MNT: variants seen among roughly 807,000 people sequenced by gnomAD.
The protein encoded by MNT is max-binding protein MNT.
MNT carries 13 observed loss-of-function variants against 40.7 expected under a neutral mutation model. The observed-to-expected ratio is 0.32, with a 90% confidence interval of 0.21 to 0.51. The LOEUF (loss-of-function observed/expected upper bound fraction) is 0.51, where lower values mean the gene tolerates loss of function less well. Among genes scored for constraint, MNT ranks in the 20% least tolerant of loss-of-function variants. MNT has a pLI of 0.98. For synonymous variants in MNT, 426 were observed against 354.8 expected, an observed-to-expected ratio of 1.20 and a Z score of -2.26; for missense variants, 757 against 792.0, an observed-to-expected ratio of 0.96 and a Z score of 0.53.
Position 2,395,180 on chromosome 17 carries a change from CA to C in MNT, c.347del (p.Leu116ArgfsTer59). 1 of 1,432,456 alleles carries C rather than the reference CA, an allele frequency of 7.0e-7. No individual in the cohort carries two copies. Among genetic ancestry groups the C allele is most frequent in the Non-Finnish European group, 9.1e-7 (1 of 1,100,162 alleles). 88.7% of individuals were successfully genotyped at this position (1,432,456 alleles called of 1,614,324 possible). Reference protein sequence around the residue: ...PLPAAAQPLPLAPRQPALVGA... With the variant: ...PLPAAAQPLPXAPRQPALVGA... ...CAACCAGGGCCGGCTGACGAGGCGC[CA>C]GGGGCAGAGGCTGGGCTGCCGCGGG... On this transcript the variant is annotated frameshift_variant, in exon 2 of 6. Transcript: ENST00000174618. LOFTEE classifies it high-confidence loss of function.
chr17:2,393,200 CCGCGGCTG>C (rs1029117562), intron 4 of MNT, among the ~76,000 whole-genome samples: 7 of 151,002 alleles, frequency 4.6e-5, no homozygotes, highest in African/African-American at 7.2e-5. Context: ...CTCCGCGTCT[CCGCGGCTG>C]CCGGCCCATC....
intron 4 of MNT, chr17:2,392,057 A>C (rs2066520567): frequency 6.6e-6 from 1 of 152,170 alleles, no homozygotes; most frequent in African/African-American, 2.4e-5. Flanking sequence ...CTCAGCTCAA[A>C]GGTCCTTTCC....
Position 2,395,122 on chromosome 17 carries a change from G to C in MNT, c.406C>G (p.Pro136Ala), listed in dbSNP as rs769258532. ...GGCACCTGCGGCCTGCTGGGCAGGG[G>C]GGCAGGCTCCTTAATGCTGAGTCCG... ...APGLSIKEPA[P>A]LPSRPQVPTP... The change falls in exon 2 of 6, where the codon CCC (proline) becomes GCC (alanine). Residue 136 changes from proline (P) to alanine (A), a missense_variant. Pro to Ala is a conservative substitution (Grantham distance 27). Around this residue, in one of 4 missense-constraint regions of MNT, gnomAD observed 335 missense variants for 291.4 expected, o/e 1.15. Coordinates refer to ENST00000174618, the MANE Select transcript of MNT (RefSeq NM_020310.3). 3 of 1,479,950 alleles carry C rather than the reference G, an allele frequency of 2.0e-6. No homozygotes were observed. In the East Asian group the frequency reaches 7.2e-5, roughly 36 times the overall value. 91.7% of individuals were successfully genotyped at this position (1,479,950 alleles called of 1,614,324 possible).
At position 2,393,957 on chromosome 17, in the gene MNT, T is replaced by C. The variant is rs1597419897; in HGVS notation, c.807+86A>G. 9 of 787,860 alleles carry C rather than the reference T, an allele frequency of 1.1e-5. No homozygotes were observed. In the South Asian group the frequency reaches 2.4e-4, roughly 21 times the overall value. The allele number at this position is 787,860 out of a possible 1,614,324, so 48.8% of individuals were successfully genotyped here. A position where few individuals can be genotyped will look rare whatever the true frequency, so the allele number is the denominator to read the frequency against. On this transcript the variant is annotated intron_variant, in intron 4 of 5. Transcript: ENST00000174618. ...GAGGCGCGGGGGAGCCGCCGGGGCG[T>C]GAGGGCGGGGCGGGGCGCGGCCGGG...
At chr17:2,394,251 C>T in intron 3 of MNT, 54 bp downstream of exon 3, 4 of 1,571,874 alleles carry the variant, frequency 2.5e-6, no homozygotes, top group Admixed American at 3.6e-5. Flanking sequence ...GCCGCCGGGG[C>T]CCGGGTCGCG....
intron 1 of MNT, 70 bp downstream of exon 1, chr17:2,400,570 G>A (rs1345493942): frequency 1.3e-5 from 19 of 1,453,866 alleles, no homozygotes; most frequent in Non-Finnish European, 1.6e-5. Flanking sequence ...GCGGTTTCGC[G>A]TGGGTTCGGG....
At chr17:2,397,202 C>T (rs895277446) in intron 1 of MNT, among the ~76,000 whole-genome samples, 1 of 152,172 alleles carries the variant, frequency 6.6e-6, no homozygotes, top group South Asian at 2.1e-4. Context: ...TGCTCCAGTG[C>T]GGGGAGGCCT....
At chr17:2,400,553 C>T (rs758629713) in intron 1 of MNT, 87 bp downstream of exon 1, 27 of 1,334,390 alleles carry the variant, frequency 2.0e-5, no homozygotes, top group Non-Finnish European at 2.7e-5. Flanking sequence ...GGGAGGGGGC[C>T]CTGTCCGCGG....
intron 4 of MNT, among the ~76,000 whole-genome samples, chr17:2,388,677 A>G (rs2066488642): frequency 6.6e-6 from 1 of 152,170 alleles, no homozygotes; most frequent in Non-Finnish European, 1.5e-5. Flanking sequence ...CCTGGGCTGA[A>G]CAACCCCCAA....
chr17:2,387,203 G>A lies in MNT; in HGVS notation c.1447C>T (p.Pro483Ser), dbSNP rs750228275. 2.7e-5 allele frequency: 43 copies of A among 1,608,244 alleles called. No homozygotes were observed. The highest frequency in any genetic ancestry group is 3.2e-5 in the Non-Finnish European group (38 of 1,178,174). Residue 483 changes from proline to serine, a missense_variant, in exon 6 of 6, where the codon CCT (proline) becomes TCT (serine). By Grantham distance (74) the Pro-to-Ser change is moderately conservative. Transcript: ENST00000174618. The stretch of plus-strand genomic sequence containing the variant: ...ATGTGCCCAATGGGGGGTGTGGCAG[G>A]CGCCAGTTGCACCGCAGGGCTGGGG... ...SAPSPAVQLA[P>S]ATPPIGHITV...
At chr17:2,400,574 G>A in intron 1 of MNT, 66 bp downstream of exon 1, 3 of 1,478,640 alleles carry the variant, frequency 2.0e-6, no homozygotes, top group Non-Finnish European at 2.7e-6. Context: ...TTTCGCGTGG[G>A]TTCGGGGACC....
chr17:2,397,749 A>G (rs1597422613), intron 1 of MNT, among the ~76,000 whole-genome samples: 2 of 152,070 alleles, frequency 1.3e-5, no homozygotes, highest in African/African-American at 4.8e-5. Flanking sequence ...GTCCCTTCCC[A>G]CCCAGCGGCA....
chr17:2,393,926 G>C (rs2066549873), intron 4 of MNT, 117 bp downstream of exon 4: 3 of 559,264 alleles, frequency 5.4e-6, no homozygotes, highest in Admixed American at 9.2e-5. Context: ...GCGTGGAGGT[G>C]GGAGGGAGGC....
At chr17:2,395,678 A>G (rs2066572586) in intron 1 of MNT, among the ~76,000 whole-genome samples, 1 of 151,726 alleles carries the variant, frequency 6.6e-6, no homozygotes, top group African/African-American at 2.4e-5. Context: ...GAATAGTAGG[A>G]CAGTCACGGG....
intron 4 of MNT, among the ~76,000 whole-genome samples, chr17:2,392,429 C>G (rs1168808658): frequency 6.6e-6 from 1 of 152,196 alleles, no homozygotes; most frequent in East Asian, 1.9e-4. Context: ...ATTTCCAAAC[C>G]CACACGTTAC....
chr17:2,395,051 G>C lies in MNT; in HGVS notation c.477C>G (p.Pro159=), dbSNP rs766220728. The C allele has an allele frequency of 1.3e-6, 2 of 1,570,968 alleles. No homozygotes were observed. Among genetic ancestry groups the C allele is most frequent in the Non-Finnish European group, 1.7e-6 (2 of 1,159,440 alleles). ...GCTGCAAAGGCTTGGGGCTGCCATTGGGTGGAATGGTGGCCTTCGAGTCCG... is the reference window on the plus strand; with the variant it reads ...GCTGCAAAGGCTTGGGGCTGCCATTCGGTGGAATGGTGGCCTTCGAGTCCG... ...LLPDSKATIP[P]NGSPKPLQPL... The change falls in exon 2 of 6, where the codon CCC becomes CCG. Residue 159 remains proline (P), a synonymous_variant. Transcript: ENST00000174618.
chr17:2,384,510 C>T lies in MNT; in HGVS notation c.*2391G>A, dbSNP rs1382360630. ...CCCAAGGAACCAACCTCCCCCTCTC[C>T]CCGAGGTAAGGACTCCCAGCCAGTG... On this transcript the variant is annotated 3_prime_UTR_variant, in exon 6 of 6. Transcript: ENST00000174618. 1 of 152,524 alleles carries T rather than the reference C, an allele frequency of 6.6e-6. No homozygotes were observed. The highest frequency in any genetic ancestry group is 1.5e-5 in the Non-Finnish European group (1 of 68,064). 9.4% of individuals were successfully genotyped at this position (152,524 alleles called of 1,614,324 possible).
Position 2,400,921 on chromosome 17 carries a change from A to T in MNT, c.-209T>A. 2.6e-6 allele frequency: 1 copy of T among 379,204 alleles called. No individual in the cohort carries two copies. The highest frequency in any genetic ancestry group is 4.7e-6 in the Non-Finnish European group (1 of 212,932). The allele number at this position is 379,204 out of a possible 1,614,324, so 23.5% of individuals were successfully genotyped here. ...ATATTTGCAAAATATAAAATTGCAA[A>T]TTTAAAAAAATGGGATGCAAAAAAA... is the stretch of plus-strand genomic sequence containing the variant. On this transcript the variant is annotated 5_prime_UTR_variant, in exon 1 of 6. Coordinates refer to ENST00000174618, the MANE Select transcript of MNT (RefSeq NM_020310.3).
intron 4 of MNT, chr17:2,391,269 G>C (rs938532526): frequency 6.6e-6 from 1 of 152,442 alleles, no homozygotes; most frequent in Non-Finnish European, 1.5e-5. Context: ...GATTACAGGC[G>C]TGAGCCATCG....
Sources: allele counts gnomAD v4.1 joint callset (sites outside exome capture counted in the v4.1 genomes callset), GRCh38; gene constraint gnomAD v4.1.1; regional missense constraint gnomAD v4.1.1; transcripts MANE v1.5; gene names NCBI Gene and HGNC (gene_info 2026-07-23, HGNC 2026-07-21).